PSD3: variants seen among roughly 807,000 people sequenced by gnomAD.
PSD3 encodes PH and SEC7 domain-containing protein 3.
In PSD3, 49 loss-of-function variants were observed where a neutral mutation model predicts 105.5. That is an observed-to-expected ratio of 0.46 (90% CI 0.37 to 0.59). The LOEUF (loss-of-function observed/expected upper bound fraction) is 0.59, where lower values mean the gene tolerates loss of function less well. PSD3 is among the 20% of genes least tolerant of loss of function. PSD3 has a pLI of 0.00. For synonymous variants in PSD3, 557 were observed against 457.8 expected (o/e 1.22, Z -2.77); for missense variants, 1,561 against 1,263.8 (o/e 1.24, Z -3.57).
intron 1 of PSD3, among the ~76,000 whole-genome samples, chr8:19,056,138 T>G (rs1362137346): frequency 6.6e-6 from 1 of 152,242 alleles, no homozygotes; most frequent in Non-Finnish European, 1.5e-5. Context: ...AACGTCTTCG[T>G]GGGATAACTT....
intron 9 of PSD3, among the ~76,000 whole-genome samples, chr8:18,724,816 A>G (rs949498380): frequency 6.6e-6 from 1 of 152,108 alleles, no homozygotes; most frequent in African/African-American, 2.4e-5. Context: ...CAGCAAGGAA[A>G]TAACATATAA....
intron 8 of PSD3, chr8:18,774,647 CATGATACAAGT>C: frequency 2.7e-6 from 1 of 374,728 alleles, no homozygotes; most frequent in East Asian, 7.6e-5. Context: ...GCCAGTGGCA[CATGATACAAGT>C]ATTCTTGGGC....
At chr8:18,947,374 G>A (rs1170313606) in intron 1 of PSD3, among the ~76,000 whole-genome samples, 2 of 152,310 alleles carry the variant, frequency 1.3e-5, no homozygotes, top group South Asian at 4.2e-4. Context: ...TTAATTGTGT[G>A]AGCACAAGAC....
At chr8:18,690,918 C>A (rs575193376) in intron 9 of PSD3, among the ~76,000 whole-genome samples, 1 of 152,172 alleles carries the variant, frequency 6.6e-6, no homozygotes, top group African/African-American at 2.4e-5. Flanking sequence ...AGTGGGGCTA[C>A]GGATTTCCTT....
intron 8 of PSD3, among the ~76,000 whole-genome samples, chr8:18,787,685 AT>A (rs1809302982): frequency 6.6e-6 from 1 of 152,044 alleles, no homozygotes; most frequent in Non-Finnish European, 1.5e-5. Context: ...CAATATTACC[AT>A]TTTCAAATGC....
At chr8:18,864,236 C>T (rs1816662336) in intron 4 of PSD3, among the ~76,000 whole-genome samples, 1 of 152,218 alleles carries the variant, frequency 6.6e-6, no homozygotes, top group Admixed American at 6.5e-5. Flanking sequence ...TGGAGGCTGA[C>T]TGCCTGTGTT....
intron 15 of PSD3, among the ~76,000 whole-genome samples, chr8:18,541,612 A>C (rs944886977): frequency 6.6e-6 from 1 of 152,196 alleles, no homozygotes; most frequent in African/African-American, 2.4e-5. Context: ...TCAAGATGCC[A>C]CACGTGTCAG....
intron 15 of PSD3, among the ~76,000 whole-genome samples, chr8:18,545,855 G>T (rs947372920): frequency 2.0e-5 from 3 of 152,140 alleles, no homozygotes; most frequent in Non-Finnish European, 2.9e-5. Flanking sequence ...AGTCTTAATG[G>T]GACAGGGTCA....
chr8:18,907,243 C>A (rs568186106), intron 2 of PSD3, among the ~76,000 whole-genome samples: 2 of 152,324 alleles, frequency 1.3e-5, no homozygotes, highest in East Asian at 3.9e-4. Flanking sequence ...TATTCACTCA[C>A]CGATTCACTC....
intron 11 of PSD3, among the ~76,000 whole-genome samples, chr8:18,601,313 T>A (rs553101764): frequency 2.0e-5 from 3 of 152,314 alleles, no homozygotes; most frequent in African/African-American, 7.2e-5. Flanking sequence ...CTGGAAAATG[T>A]TATTGCTTGA....
At chr8:18,915,902 C>A (rs1270155109) in intron 2 of PSD3, among the ~76,000 whole-genome samples, 1 of 151,966 alleles carries the variant, frequency 6.6e-6, no homozygotes, top group Non-Finnish European at 1.5e-5. Flanking sequence ...TAGAGACCAG[C>A]CTGACCAACA....
At chr8:18,739,271 C>G (rs1585787625) in intron 9 of PSD3, among the ~76,000 whole-genome samples, 1 of 152,042 alleles carries the variant, frequency 6.6e-6, no homozygotes. Flanking sequence ...AGGCAATAAA[C>G]AGATCTTTGT....
chr8:18,913,086 AACACAC>A (rs72253853), intron 2 of PSD3, among the ~76,000 whole-genome samples: 5,166 of 130,490 alleles, frequency 0.04, 111 homozygotes, highest in Non-Finnish European at 0.054. Context: ...CACACACACA[AACACAC>A]ACACACACAC....
At chr8:18,579,588 C>T (rs553199533) in intron 12 of PSD3, among the ~76,000 whole-genome samples, 1 of 152,246 alleles carries the variant, frequency 6.6e-6, no homozygotes, top group Non-Finnish European at 1.5e-5. Context: ...TATTTTAAAT[C>T]CATTAAAAGC....
At chr8:18,961,931 C>T (rs998810707) in intron 1 of PSD3, among the ~76,000 whole-genome samples, 1 of 151,992 alleles carries the variant, frequency 6.6e-6, no homozygotes, top group African/African-American at 2.4e-5. Flanking sequence ...CTGCGAAAAC[C>T]ATGTAAAATC....
At chr8:18,925,215 C>A (rs2129467834) in intron 2 of PSD3, among the ~76,000 whole-genome samples, 1 of 152,208 alleles carries the variant, frequency 6.6e-6, no homozygotes, top group African/African-American at 2.4e-5. Flanking sequence ...AGCCAAACCC[C>A]ATCTCTACAA....
At chr8:18,933,920 G>A (rs899733572) in intron 2 of PSD3, among the ~76,000 whole-genome samples, 1 of 152,158 alleles carries the variant, frequency 6.6e-6, no homozygotes, top group Non-Finnish European at 1.5e-5. Flanking sequence ...TACAATACAT[G>A]TTAAGTATAA....
chr8:18,834,287 G>C (rs1813915032), intron 4 of PSD3, among the ~76,000 whole-genome samples: 1 of 152,004 alleles, frequency 6.6e-6, no homozygotes, highest in Admixed American at 6.6e-5. Context: ...ACACCACTAA[G>C]CAAAATTAAA....
chr8:18,697,247 T>C (rs1030114551), intron 9 of PSD3, among the ~76,000 whole-genome samples: 2 of 152,084 alleles, frequency 1.3e-5, no homozygotes, highest in Non-Finnish European at 2.9e-5. Context: ...CGACATGGGG[T>C]GAGTGGCGAC....
Sources: allele counts gnomAD v4.1 joint callset (sites outside exome capture counted in the v4.1 genomes callset), GRCh38; gene constraint gnomAD v4.1.1; transcripts MANE v1.5; gene names NCBI Gene and HGNC (gene_info 2026-07-23, HGNC 2026-07-21).